MTUS1: variants seen among roughly 807,000 people sequenced by gnomAD.
The protein encoded by MTUS1 is microtubule-associated tumor suppressor 1.
MTUS1 carries 109 observed loss-of-function variants against 120.8 expected under a neutral mutation model. The observed-to-expected ratio is 0.90, with a 90% CI of 0.77 to 1.06. MTUS1 has a LOEUF of 1.06. Ranked by LOEUF, MTUS1 falls within the 50% of genes least tolerant of loss-of-function variation. The pLI is 0.00. For synonymous variants in MTUS1, 737 were observed against 550.5 expected, an observed-to-expected ratio of 1.34 and a Z score of -4.74; for missense variants, 2,210 against 1,486.3, an observed-to-expected ratio of 1.49 and a Z score of -8.01.
intron 7 of MTUS1, among the ~76,000 whole-genome samples, chr8:17,682,902 C>T (rs1814881872): frequency 6.9e-6 from 1 of 144,036 alleles, no homozygotes; most frequent in African/African-American, 2.6e-5. Context: ...CCTAAGTAGT[C>T]TCCAACTTCC....
At chr8:17,778,995 A>G (rs1248805253) in intron 1 of MTUS1, among the ~76,000 whole-genome samples, 1 of 152,164 alleles carries the variant, frequency 6.6e-6, no homozygotes, top group East Asian at 1.9e-4. Flanking sequence ...AAAATAGACA[A>G]AAAAATAGAC....
At chr8:17,651,901 A>G (rs937345513) in intron 12 of MTUS1, 1 of 152,364 alleles carries the variant, frequency 6.6e-6, no homozygotes, top group South Asian at 2.1e-4. Flanking sequence ...ATGTAAGTCT[A>G]GATTTCTTTT....
chr8:17,798,233 G>C (rs79108890), intron 1 of MTUS1, among the ~76,000 whole-genome samples: 3,219 of 152,254 alleles, frequency 0.021, 92 homozygotes, highest in Admixed American at 0.058. Flanking sequence ...ACCAGGCCCA[G>C]TGGCTTCTCA....
At chr8:17,721,702 G>A (rs760508229) in intron 4 of MTUS1, 17 of 1,544,208 alleles carry the variant, frequency 1.1e-5, no homozygotes, top group Admixed American at 6.0e-5. Context: ...ACCAGAAATC[G>A]TCGACCTACT....
At chr8:17,650,188 C>G (rs184283369) in intron 12 of MTUS1, among the ~76,000 whole-genome samples, 85 of 152,208 alleles carry the variant, frequency 5.6e-4, no homozygotes, top group Admixed American at 4.6e-3. Flanking sequence ...ACTTAATATG[C>G]AAAAATGTGA....
At chr8:17,799,238 A>C (rs2052492468) in intron 1 of MTUS1, among the ~76,000 whole-genome samples, 1 of 150,650 alleles carries the variant, frequency 6.6e-6, no homozygotes, top group Admixed American at 6.6e-5. Context: ...TTGTTGCAAA[A>C]GTATATTTAG....
intron 2 of MTUS1, among the ~76,000 whole-genome samples, chr8:17,753,057 A>C (rs971753497): frequency 4.6e-4 from 70 of 152,200 alleles, no homozygotes; most frequent in Admixed American, 4.0e-3. Flanking sequence ...TATGGAAAAC[A>C]TACTGGTTTT....
At chr8:17,680,491 A>C (rs1333211777) in intron 7 of MTUS1, among the ~76,000 whole-genome samples, 2 of 125,926 alleles carry the variant, frequency 1.6e-5, no homozygotes, top group Non-Finnish European at 3.5e-5. Flanking sequence ...AAAAAAAAAA[A>C]AAAAAGCGGG....
At chr8:17,652,041 G>A (rs189906171) in intron 12 of MTUS1, among the ~76,000 whole-genome samples, 165 of 148,342 alleles carry the variant, frequency 1.1e-3, no homozygotes, top group African/African-American at 4.0e-3. Context: ...AGGTCTCACT[G>A]AGAGATCCAC....
chr8:17,692,080 C>G (rs1347617332), intron 6 of MTUS1: 1 of 152,152 alleles, frequency 6.6e-6, no homozygotes, highest in Non-Finnish European at 1.5e-5. Context: ...GTTGCAAGAT[C>G]CAACTTGTTA....
chr8:17,721,809 T>C lies in MTUS1; in HGVS notation c.2449+1863A>G, dbSNP rs143889879. The C allele has an allele frequency of 8.8e-3, 14,284 of 1,614,186 alleles. 449 individuals carry two copies. In the Admixed American group the frequency reaches 0.1, roughly 12 times the overall value. ...ATAAGGTAGCATCATAGTGCCTCTC[T>C]GAACCAGCCGGTGGGGTGAGTGTAG... On this transcript the variant is annotated intron_variant, in intron 4 of 14. Coordinates refer to ENST00000693296, the MANE Select transcript of MTUS1 (RefSeq NM_001363059.2).
chr8:17,684,325 T>C lies in MTUS1; in HGVS notation c.2838+3A>G, dbSNP rs1355216505. On this transcript the variant is annotated splice_donor_region_variant and intron_variant, in intron 7 of 14. Coordinates refer to ENST00000693296, the MANE Select transcript of MTUS1 (RefSeq NM_001363059.2). ...AGGCTCTTTCTAGGATGCACCTCCT[T>C]ACCTCAGACAGCAGGTGCTGAATCA... 1 of 1,611,848 alleles carries C rather than the reference T, an allele frequency of 6.2e-7. No individual in the cohort carries two copies. The highest frequency in any genetic ancestry group is 1.7e-5 in the Admixed American group (1 of 60,028).
At chr8:17,647,254 A>G in intron 13 of MTUS1, 175 bp from the exon 14 acceptor site, 1 of 547,034 alleles carries the variant, frequency 1.8e-6, no homozygotes. Flanking sequence ...AAACAGCAAA[A>G]CAGAGCGGCT....
chr8:17,747,367 CCCA>C lies in MTUS1; in HGVS notation c.2092-3571_2092-3569del, dbSNP rs377531979. 8.0e-4 allele frequency among the ~76,000 whole-genome samples: 122 copies of C among 152,272 alleles called. 1 individual carries two copies. The highest frequency in any genetic ancestry group is 2.7e-3 in the African/African-American group (114 of 41,536). ...CTATAAGCCTTCCTTGACAACTCTG[CCCA>C]CCACCACATCTTGTTCCCCCTCCTG... On this transcript the variant is annotated intron_variant, in intron 2 of 14. Transcript: ENST00000693296.
intron 1 of MTUS1, among the ~76,000 whole-genome samples, chr8:17,763,198 G>A (rs1035421981): frequency 6.6e-6 from 1 of 151,878 alleles, no homozygotes; most frequent in African/African-American, 2.4e-5. Context: ...CACCATCTTG[G>A]CCAGGCTGGT....
intron 2 of MTUS1, among the ~76,000 whole-genome samples, chr8:17,744,242 G>T (rs2047557012): frequency 6.6e-6 from 1 of 152,118 alleles, no homozygotes; most frequent in African/African-American, 2.4e-5. Context: ...TGGTCCCAAA[G>T]AAATTAGCTG....
In MTUS1 at chr8:17,756,673, C is replaced by CCCCCCG. The variant is rs1409315359; in HGVS notation, c.-154-713_-154-712insCGGGGG. Among the ~76,000 whole-genome samples the CCCCCCG allele has an allele frequency of 2.7e-4, 15 of 54,574 alleles. No individual in the cohort carries two copies. In the South Asian group the frequency reaches 3.7e-3, roughly 14 times the overall value. The allele number at this position is 54,574 out of a possible 152,430, so 35.8% of individuals were successfully genotyped here. A position where few individuals can be genotyped will look rare whatever the true frequency, so the allele number is the denominator to read the frequency against. On this transcript the variant is annotated intron_variant, in intron 1 of 14. Coordinates refer to ENST00000693296, the MANE Select transcript of MTUS1 (RefSeq NM_001363059.2). The stretch of plus-strand genomic sequence containing the variant: ...TCCAATTCATATGTCAAGCCCAAAC[C>CCCCCCG]CCCACCCCTTATGTAACTATGTTGG...
chr8:17,689,205 C>T (rs934606718), intron 6 of MTUS1, among the ~76,000 whole-genome samples: 1 of 151,968 alleles, frequency 6.6e-6, no homozygotes, highest in African/African-American at 2.4e-5. Context: ...AGCAAGACTC[C>T]GTTCTCAAAA....
intron 3 of MTUS1, among the ~76,000 whole-genome samples, chr8:17,726,163 C>G (rs1474703430): frequency 6.6e-6 from 1 of 152,146 alleles, no homozygotes; most frequent in African/African-American, 2.4e-5. Flanking sequence ...TCTTCTGAAC[C>G]CTTGCTACTC....
Sources: allele counts gnomAD v4.1 joint callset (sites outside exome capture counted in the v4.1 genomes callset), GRCh38; gene constraint gnomAD v4.1.1; transcripts MANE v1.5; gene names NCBI Gene and HGNC (gene_info 2026-07-23, HGNC 2026-07-21).